Variants in UMODL1 observed in about 807,000 individuals in gnomAD.
UMODL1 encodes uromodulin like 1.
In UMODL1, 128 loss-of-function variants were observed where a neutral mutation model predicts 136.3. That is an observed-to-expected ratio of 0.94 (90% CI 0.81 to 1.09). The LOEUF (loss-of-function observed/expected upper bound fraction) is 1.09, where lower values mean the gene tolerates loss of function less well. Ranked by LOEUF, UMODL1 falls within the 50% of genes least tolerant of loss-of-function variation. The pLI, the probability that UMODL1 is intolerant of heterozygous loss-of-function variation, is 0.00. For synonymous variants in UMODL1, 721 were observed against 720.0 expected, an observed-to-expected ratio of 1.00 and a Z score of -0.02; for missense variants, 1,766 against 1,725.6, an observed-to-expected ratio of 1.02 and a Z score of -0.41.
intron 21 of UMODL1, among the ~76,000 whole-genome samples, chr21:42,134,764 A>C (rs1268277550): frequency 6.8e-6 from 1 of 147,714 alleles, no homozygotes. Flanking sequence ...ACAGGCGCGC[A>C]CTACCAAGTC....
intron 16 of UMODL1, 47 bp downstream of exon 16, chr21:42,121,271 GT>G (rs369445535): frequency 1.1e-5 from 17 of 1,565,002 alleles, no homozygotes; most frequent in East Asian, 4.6e-5. Context: ...ATCATAATCG[GT>G]TTTTTTTAAG....
intron 21 of UMODL1, among the ~76,000 whole-genome samples, chr21:42,134,456 G>A (rs917612756): frequency 2.1e-4 from 32 of 152,158 alleles, no homozygotes; most frequent in Non-Finnish European, 2.9e-5. Context: ...TCCAGGGAGT[G>A]CTCAATGTCC....
At chr21:42,104,211 C>A in intron 9 of UMODL1, 124 bp downstream of exon 9, 1 of 1,073,648 alleles carries the variant, frequency 9.3e-7, no homozygotes, top group Non-Finnish European at 1.3e-6. Flanking sequence ...CTTATTCTAT[C>A]TTCCTCCACC....
rs544244788 is a variant in UMODL1 at position 42,116,050 on chromosome 21, C to T, written c.2475+65C>T. The T allele has an allele frequency of 1.1e-5, 16 of 1,393,668 alleles. No individual in the cohort carries two copies. In the East Asian group the frequency reaches 2.1e-4, roughly 19 times the overall value. The allele number at this position is 1,393,668 out of a possible 1,614,324, so 86.3% of individuals were successfully genotyped here. On this transcript the variant is annotated intron_variant, in intron 14 of 22. Transcript: ENST00000408910. ...GAAAGGGTGGAAGGCTGATAGAATT[C>T]TAGGTTAGGCACGGTGGCTCACCCC...
rs2066998156 is a variant in UMODL1, at chr21:42,122,994, G to A, written c.2991G>A (p.Lys997=). The part of the protein sequence containing the change: ...GAVRVLCEIE[K]VVVAIQKRFL... ...TCAGGGTGCTCTGTGAGATCGAGAA[G>A]GTGGTTGTCGCCATCCAGAAGCGCT... The change falls in exon 17 of 23, where the codon AAG becomes AAA. Residue 997 remains lysine (K), a synonymous_variant. Transcript: ENST00000408910. This position sits in a 1 kb window ranked among gnomAD's most constrained non-coding sequence, Gnocchi z 4.3. 1.9e-6 allele frequency: 3 copies of A among 1,613,972 alleles called. No individual in the cohort carries two copies. Among genetic ancestry groups the A allele is most frequent in the African/African-American group, 1.3e-5 (1 of 74,902 alleles).
intron 6 of UMODL1, among the ~76,000 whole-genome samples, chr21:42,097,167 A>G (rs1197052615): frequency 2.0e-5 from 3 of 152,232 alleles, no homozygotes; most frequent in Admixed American, 6.5e-5. Context: ...TCACTGGACA[A>G]TCCTGTAAAA....
At chr21:42,079,748 G>C (rs1012383098) in intron 2 of UMODL1, among the ~76,000 whole-genome samples, 2 of 152,214 alleles carry the variant, frequency 1.3e-5, no homozygotes, top group South Asian at 4.1e-4. Context: ...GGGGAGGCCC[G>C]CGCCTCCACC....
chr21:42,126,668 G>A (rs562537070), intron 18 of UMODL1, among the ~76,000 whole-genome samples, 178 bp downstream of exon 18: 14 of 152,328 alleles, frequency 9.2e-5, no homozygotes, highest in African/African-American at 3.4e-4. Context: ...GCTAGCCAGA[G>A]AAGGCCAAAT....
upstream of UMODL1, among the ~76,000 whole-genome samples, chr21:42,070,162 G>T (rs1317658345): frequency 6.6e-6 from 1 of 152,204 alleles, no homozygotes; most frequent in South Asian, 2.1e-4. Context: ...AGGCGAGAAG[G>T]TCCCTTCTGG....
intron 5 of UMODL1, among the ~76,000 whole-genome samples, chr21:42,089,353 A>T (rs146191267): frequency 6.4e-4 from 98 of 152,254 alleles, no homozygotes; most frequent in Middle Eastern, 3.4e-3. Flanking sequence ...CTCCCTTCAG[A>T]TCCGCACATG....
rs2066229566 is a variant in UMODL1 at position 42,071,368 on chromosome 21, C to T, written c.52C>T (p.Pro18Ser). The T allele has an allele frequency of 1.3e-6, 2 of 1,594,530 alleles. No homozygotes were observed. Among genetic ancestry groups the T allele is most frequent in the African/African-American group, 2.7e-5 (2 of 73,770 alleles). ...GCTGGCTCTGGTCAGTGCTGTGGGCCCAAGCCAGGCCAGCGGCTTCACAGG... is the reference window on the plus strand; with the variant it reads ...GCTGGCTCTGGTCAGTGCTGTGGGCTCAAGCCAGGCCAGCGGCTTCACAGG... ...ALLALVSAVG[P>S]SQASGFTEKG... Residue 18 changes from proline to serine, a missense_variant, in exon 1 of 23, where the codon CCA becomes TCA. Physicochemically the swap from Pro to Ser is moderately conservative, Grantham distance 74 (BLOSUM62 -1). Transcript: ENST00000408910.
chr21:42,142,731 T>C lies in UMODL1; in HGVS notation c.*657T>C, dbSNP rs548631509. The C allele has an allele frequency of 6.6e-6, 1 of 152,328 alleles. No individual in the cohort carries two copies. Among genetic ancestry groups the C allele is most frequent in the South Asian group, 2.1e-4 (1 of 4,830 alleles). 9.4% of individuals were successfully genotyped at this position (152,328 alleles called of 1,614,324 possible). A position where few individuals can be genotyped will look rare whatever the true frequency, so the allele number is the denominator to read the frequency against. On this transcript the variant is annotated 3_prime_UTR_variant, in exon 23 of 23. Coordinates refer to ENST00000408910, the MANE Select transcript of UMODL1 (RefSeq NM_001004416.3). ...TTTCAATAAGCAGAAATAACGTAGG[T>C]ACACATCACTCTTTACATTTTTCTA...
chr21:42,091,775 A>G (rs949352108), intron 6 of UMODL1, among the ~76,000 whole-genome samples: 2 of 152,186 alleles, frequency 1.3e-5, no homozygotes, highest in Non-Finnish European at 2.9e-5. Context: ...CGGTGCCAGG[A>G]TGCTGATTGA....
At chr21:42,090,188 G>C in intron 5 of UMODL1, 110 bp from the exon 6 acceptor site, 1 of 1,484,134 alleles carries the variant, frequency 6.7e-7, no homozygotes, top group East Asian at 2.3e-5. Context: ...CTCAACCGAC[G>C]TGGCACAAAT....
upstream of UMODL1, among the ~76,000 whole-genome samples, chr21:42,067,683 C>T (rs2066194222): frequency 6.6e-6 from 1 of 152,218 alleles, no homozygotes; most frequent in Non-Finnish European, 1.5e-5. Context: ...TACGGAAGCA[C>T]CTCTGAAGGC....
At chr21:42,075,889 C>T (rs1247306575) in intron 1 of UMODL1, 116 bp from the exon 2 acceptor site, 3 of 1,470,750 alleles carry the variant, frequency 2.0e-6, no homozygotes, top group African/African-American at 1.4e-5. Flanking sequence ...GAGAGGCCTG[C>T]GCGAGTGCGG....
intron 10 of UMODL1, among the ~76,000 whole-genome samples, chr21:42,110,287 G>A (rs369372352): frequency 3.3e-5 from 5 of 152,344 alleles, no homozygotes; most frequent in African/African-American, 7.2e-5. Context: ...GATTAGCAAT[G>A]TCGGCCCGGA....
At chr21:42,104,200 C>A in intron 9 of UMODL1, 113 bp downstream of exon 9, 1 of 1,162,930 alleles carries the variant, frequency 8.6e-7, no homozygotes, top group Non-Finnish European at 1.2e-6. Flanking sequence ...AAATGCAAAT[C>A]CTTATTCTAT....
At chr21:42,091,891 A>G (rs2066496140) in intron 6 of UMODL1, among the ~76,000 whole-genome samples, 1 of 152,180 alleles carries the variant, frequency 6.6e-6, no homozygotes, top group African/African-American at 2.4e-5. Context: ...AGAGAAGGGA[A>G]GAGGCCTGGG....
Sources: allele counts gnomAD v4.1 joint callset (sites outside exome capture counted in the v4.1 genomes callset), GRCh38; gene constraint gnomAD v4.1.1; non-coding constraint Gnocchi (gnomAD v3.1); transcripts MANE v1.5; gene names NCBI Gene and HGNC (gene_info 2026-07-23, HGNC 2026-07-21).